Variants in MGAM observed in about 807,000 individuals in gnomAD.
MGAM encodes alpha-1,4-glucosidase.
A neutral mutation model predicts 358.8 loss-of-function variants in MGAM; 253 were observed. The ratio of observed to expected loss-of-function variants is 0.71; its 90% CI spans 0.64 to 0.78. The LOEUF (loss-of-function observed/expected upper bound fraction) is 0.78. MGAM is among the 30% of genes least tolerant of loss of function. The pLI, the probability that MGAM is intolerant of heterozygous loss-of-function variation, is 0.00. For missense variants in MGAM, 3,080 were observed against 3,432.6 expected (o/e 0.90, Z 2.57); for synonymous variants, 1,105 against 1,227.1 (o/e 0.90, Z 2.08).
Position 142,083,821 on chromosome 7 carries a change from G to T in MGAM, c.6381+408G>T, listed in dbSNP as rs139331612. Among the ~76,000 whole-genome samples, 509 of 143,936 alleles carry T rather than the reference G, an allele frequency of 3.5e-3. 10 individuals are homozygous for T. The highest frequency in any genetic ancestry group is 5.9e-3 in the Non-Finnish European group (376 of 63,390). 94.4% of individuals were successfully genotyped at this position (143,936 alleles called of 152,430 possible). A position where few individuals can be genotyped will look rare whatever the true frequency, so the allele number is the denominator to read the frequency against. The stretch of plus-strand genomic sequence containing the variant: ...GGGGGTGGTGTTGATGGGAGTGTTG[G>T]TGATGGTGGTGATAGTGGTGGTGAT... On this transcript the variant is annotated intron_variant, in intron 53 of 70. Transcript: ENST00000475668.
chr7:142,092,782 G>A (rs1317448817), intron 59 of MGAM, among the ~76,000 whole-genome samples, 174 bp downstream of exon 59: 1 of 146,812 alleles, frequency 6.8e-6, no homozygotes, highest in African/African-American at 2.4e-5. Context: ...CTGGGCATGT[G>A]CAAGTGACTA....
At position 142,059,462 on chromosome 7, in the gene MGAM, C is replaced by T; in HGVS notation, c.3820-10C>T. On this transcript the variant is annotated splice_polypyrimidine_tract_variant and intron_variant, in intron 31 of 70. Transcript: ENST00000475668. Reference sequence around the variant, plus strand: ...GCAGCAGCCTCTCAGCTCCCCATGTCCTCCCGCAGGATGTGCAGTACTCAG... The same window carrying T: ...GCAGCAGCCTCTCAGCTCCCCATGTTCTCCCGCAGGATGTGCAGTACTCAG... 6.2e-7 allele frequency: 1 copy of T among 1,604,572 alleles called. No homozygotes were observed.
intron 14 of MGAM, among the ~76,000 whole-genome samples, chr7:142,033,730 C>G (rs573339289): frequency 5.3e-5 from 8 of 151,988 alleles, no homozygotes; most frequent in Non-Finnish European, 1.0e-4. Context: ...ATAGTGTGAA[C>G]TAGAAATAGA....
chr7:142,088,753 CTATCTAT>C (rs1815030684), intron 57 of MGAM, among the ~76,000 whole-genome samples: 3 of 54,902 alleles, frequency 5.5e-5, no homozygotes, highest in Admixed American at 3.9e-4. Flanking sequence ...GTCTGTCTAT[CTATCTAT>C]CTATCTATCT....
intron 8 of MGAM, among the ~76,000 whole-genome samples, chr7:142,026,380 G>T (rs77330520): frequency 6.6e-6 from 1 of 152,044 alleles, no homozygotes; most frequent in African/African-American, 2.4e-5. Context: ...TTCTTGGGAG[G>T]CTGCAAATTA....
chr7:142,084,730 T>C lies in MGAM; in HGVS notation c.6507+86T>C, dbSNP rs1033806239. On this transcript the variant is annotated intron_variant, in intron 54 of 70. Coordinates refer to ENST00000475668, the MANE Select transcript of MGAM (RefSeq NM_001365693.1). The stretch of plus-strand genomic sequence containing the variant: ...TTCATTTGTCTAATGTTTGTGAGAT[T>C]CTATAAAGACATAATGTTCTTTTTC... 16 of 1,460,524 alleles carry C rather than the reference T, an allele frequency of 1.1e-5. 2 individuals are homozygous for C. In the African/African-American group the frequency reaches 1.5e-4, roughly 14 times the overall value. The allele number at this position is 1,460,524 out of a possible 1,614,324, so 90.5% of individuals were successfully genotyped here. A position where few individuals can be genotyped will look rare whatever the true frequency, so the allele number is the denominator to read the frequency against.
chr7:142,092,795 C>T (rs1815522435), intron 59 of MGAM, among the ~76,000 whole-genome samples, 187 bp downstream of exon 59: 1 of 146,852 alleles, frequency 6.8e-6, no homozygotes, highest in Admixed American at 6.8e-5. Flanking sequence ...AGTGACTAGA[C>T]TCATTGCACA....
chr7:141,990,703 T>C (rs1803908662), intron 2 of MGAM, among the ~76,000 whole-genome samples: 1 of 152,186 alleles, frequency 6.6e-6, no homozygotes, highest in African/African-American at 2.4e-5. Flanking sequence ...TATTATACTT[T>C]AAGTTTTAGG....
In MGAM at chr7:142,019,246, A is replaced by G. The variant is rs981460832; in HGVS notation, c.375A>G (p.Val125=). ...RGCCWNPQGA[V]SVPWCYYSKN... ...GTTGCTGGAATCCCCAGGGAGCTGT[A>G]AGTGTTCCCTGGTGCTACTATTCCA... is the stretch of plus-strand genomic sequence containing the variant. Residue 125 remains valine, a synonymous_variant, in exon 4 of 71, where the codon GTA becomes GTG. Coordinates refer to ENST00000475668, the MANE Select transcript of MGAM (RefSeq NM_001365693.1). 2.4e-5 allele frequency: 38 copies of G among 1,613,544 alleles called. No individual in the cohort carries two copies. The highest frequency in any genetic ancestry group is 3.2e-5 in the Non-Finnish European group (38 of 1,179,550).
intron 22 of MGAM, among the ~76,000 whole-genome samples, chr7:142,048,518 G>GTTTTTTTTTTTTTTTTTTTTTTTTTTTT (rs1563163868): frequency 6.6e-6 from 1 of 151,782 alleles, no homozygotes; most frequent in Non-Finnish European, 1.5e-5. Flanking sequence ...GTAACCCAAT[G>GTTTTTTTTTTTTTTTTTTTTTTTTTTTT]TTAATGTCTT....
rs1809744889 is a variant in MGAM, at chr7:142,044,553, A to G, written c.2499-3232A>G. Among the ~76,000 whole-genome samples, 3 of 137,136 alleles carry G rather than the reference A, an allele frequency of 2.2e-5. No individual in the cohort carries two copies. In the South Asian group the frequency reaches 6.8e-4, roughly 31 times the overall value. 90.0% of individuals were successfully genotyped at this position (137,136 alleles called of 152,430 possible). A position where few individuals can be genotyped will look rare whatever the true frequency, so the allele number is the denominator to read the frequency against. On this transcript the variant is annotated intron_variant, in intron 21 of 70. Transcript: ENST00000475668. The stretch of plus-strand genomic sequence containing the variant: ...TTACGATATATGATATATAATGTAT[A>G]TTATATACACGTGTAATATATGATA...
At chr7:142,032,495 A>G (rs1288308129) in intron 13 of MGAM, among the ~76,000 whole-genome samples, 2 of 152,120 alleles carry the variant, frequency 1.3e-5, no homozygotes, top group Admixed American at 6.6e-5. Flanking sequence ...ATTTATATGT[A>G]TATGTATTTA....
Position 142,063,576 on chromosome 7 carries a change from C to A in MGAM, c.4335C>A (p.Pro1445=). ...GCRDASLNHP[P]YMPHLESRDR... ...GGGACGCCTCTCTGAACCACCCTCCCTACATGCCACGTAAGAAGCCTTGGC... is the reference window on the plus strand; with the variant it reads ...GGGACGCCTCTCTGAACCACCCTCCATACATGCCACGTAAGAAGCCTTGGC... The change falls in exon 36 of 71, where the codon CCC becomes CCA. Residue 1445 remains proline (P), a synonymous_variant. Coordinates refer to ENST00000475668, the MANE Select transcript of MGAM (RefSeq NM_001365693.1). 6.2e-7 allele frequency: 1 copy of A among 1,613,454 alleles called. No homozygotes were observed. Among genetic ancestry groups the A allele is most frequent in the Non-Finnish European group, 8.5e-7 (1 of 1,179,670 alleles).
In MGAM at chr7:142,019,360, CTGGAGGTTGACT is replaced by C. The variant is rs782692432; in HGVS notation, c.448+42_448+53del. The stretch of plus-strand genomic sequence containing the variant: ...CCATGATGCAGGAGGTCCAGACCCT[CTGGAGGTTGACT>C]CTGTATCCCCCAGGGGCAGCCTGCA... On this transcript the variant is annotated intron_variant, in intron 4 of 70. Coordinates refer to ENST00000475668, the MANE Select transcript of MGAM (RefSeq NM_001365693.1). 1.9e-6 allele frequency: 3 copies of C among 1,601,458 alleles called. No homozygotes were observed. The South Asian group carries it at 3.3e-5, about 18-fold the overall frequency.
At chr7:142,038,470 G>C in intron 18 of MGAM, 61 bp from the exon 19 acceptor site, 1 of 1,289,046 alleles carries the variant, frequency 7.8e-7, no homozygotes, top group Non-Finnish European at 1.1e-6. Context: ...TGTGAGTAGA[G>C]CTGCTACAAA....
intron 45 of MGAM, 33 bp downstream of exon 45, chr7:142,074,206 C>T (rs1176512045): frequency 7.3e-7 from 1 of 1,371,394 alleles, no homozygotes. Flanking sequence ...TGCTGTTTCC[C>T]AACCTGCGCC....
At chr7:142,102,747 G>C (rs1243093092) in intron 69 of MGAM, 68 bp downstream of exon 69, 1 of 1,416,656 alleles carries the variant, frequency 7.1e-7, no homozygotes, top group Non-Finnish European at 9.8e-7. Flanking sequence ...ATATCGTAAG[G>C]GCATAAAATA....
At position 142,065,587 on chromosome 7, in the gene MGAM, G is replaced by A. The variant is rs755754661; in HGVS notation, c.4619-1G>A. 5 of 1,613,968 alleles carry A rather than the reference G, an allele frequency of 3.1e-6. No individual in the cohort carries two copies. Among genetic ancestry groups the A allele is most frequent in the Non-Finnish European group, 4.2e-6 (5 of 1,179,866 alleles). Reference sequence around the variant, plus strand: ...TGACACAGCTGTGCTTCTCGTTGCAGGCATGATGGAGTTCAGCCTCTTTGG... The same window carrying A: ...TGACACAGCTGTGCTTCTCGTTGCAAGCATGATGGAGTTCAGCCTCTTTGG... On this transcript the variant is annotated splice_acceptor_variant, in intron 38 of 70. Transcript: ENST00000475668. LOFTEE classifies it high-confidence loss of function.
At chr7:142,026,860 T>C (rs1243717236) in intron 8 of MGAM, among the ~76,000 whole-genome samples, 1 of 152,150 alleles carries the variant, frequency 6.6e-6, no homozygotes, top group Non-Finnish European at 1.5e-5. Context: ...CCCCAGAACC[T>C]GGGGCCTGGC....
Sources: allele counts gnomAD v4.1 joint callset (sites outside exome capture counted in the v4.1 genomes callset), GRCh38; gene constraint gnomAD v4.1.1; transcripts MANE v1.5; gene names NCBI Gene and HGNC (gene_info 2026-07-23, HGNC 2026-07-21).